ADGRG4: variants seen among roughly 807,000 people sequenced by gnomAD.
ADGRG4 encodes the protein G protein-coupled receptor 112.
ADGRG4 carries 122 observed loss-of-function variants against 126.2 expected under a neutral mutation model. That is an observed-to-expected ratio of 0.97 (90% CI 0.83 to 1.12). The LOEUF (loss-of-function observed/expected upper bound fraction) is 1.12. Ranked by LOEUF, ADGRG4 falls within the 50% of genes most tolerant of loss-of-function variation. ADGRG4 has a pLI of 0.00. For synonymous variants in ADGRG4, 943 were observed against 838.7 expected, an observed-to-expected ratio of 1.12 and a Z score of -2.15; for missense variants, 2,481 against 2,251.8, an observed-to-expected ratio of 1.10 and a Z score of -2.06.
intron 15 of ADGRG4, among the ~76,000 whole-genome samples, chrX:136,385,484 A>C (rs1000502335): frequency 4.5e-5 from 5 of 111,999 alleles, no homozygotes; most frequent in Non-Finnish European, 9.4e-5. Flanking sequence ...CTTTTTAACC[A>C]TTATTTCCTC....
At chrX:136,360,153 T>A (rs771303783) in intron 11 of ADGRG4, among the ~76,000 whole-genome samples, 1 of 111,085 alleles carries the variant, frequency 9.0e-6, no homozygotes, top group East Asian at 2.9e-4. Context: ...GAGCCCAACA[T>A]GTAAATGACA....
intron 4 of ADGRG4, among the ~76,000 whole-genome samples, chrX:136,311,394 T>TACACACACACAC (rs72201867): frequency 4.6e-4 from 44 of 95,637 alleles, no homozygotes; most frequent in African/African-American, 1.7e-3. Context: ...TCATACCATG[T>TACACACACACAC]ACACACACAC....
At chrX:136,328,628 G>A (rs1380875380) in intron 5 of ADGRG4, among the ~76,000 whole-genome samples, 1 of 112,016 alleles carries the variant, frequency 8.9e-6, no homozygotes. Flanking sequence ...GCTGAGGTTC[G>A]TTAATTGGTC....
chrX:136,367,547 A>G (rs1013088427), intron 13 of ADGRG4, among the ~76,000 whole-genome samples: 3 of 112,139 alleles, frequency 2.7e-5, no homozygotes, highest in African/African-American at 9.7e-5. Flanking sequence ...TTTTTAGAAA[A>G]TTGACTGAGA....
chrX:136,353,703 C>T (rs776233767), intron 8 of ADGRG4, among the ~76,000 whole-genome samples: 4 of 112,205 alleles, frequency 3.6e-5, no homozygotes, highest in Non-Finnish European at 7.5e-5. Context: ...GTGATTTATA[C>T]AAAAATCATG....
At chrX:136,389,871 T>A (rs1056612568) in intron 16 of ADGRG4, among the ~76,000 whole-genome samples, 8 of 112,183 alleles carry the variant, frequency 7.1e-5, no homozygotes, top group African/African-American at 2.6e-4. Context: ...GGGGTGACCC[T>A]AGGCTGGGAT....
In ADGRG4 at chrX:136,350,266, C is replaced by T. The variant is rs761904414; in HGVS notation, c.6560C>T (p.Thr2187Ile). 5 of 1,210,016 alleles carry T rather than the reference C, an allele frequency of 4.1e-6. No homozygotes were observed. Among genetic ancestry groups the T allele is most frequent in the Non-Finnish European group, 5.6e-6 (5 of 893,803 alleles). ...CTAAATATAATGACTACTACATCCA[C>T]TGTTCCTGGAGCCTCATTTCCACTC... Reference protein sequence around the residue: ...SLLNIMTTTSTVPGASFPLIS... With the variant: ...SLLNIMTTTSIVPGASFPLIS... Residue 2187 changes from threonine to isoleucine, a missense_variant, in exon 6 of 26, where the codon ACT (threonine) becomes ATT (isoleucine). Physicochemically the swap from Thr to Ile is moderately conservative, Grantham distance 89. Coordinates refer to ENST00000394143, the MANE Select transcript of ADGRG4 (RefSeq NM_153834.4).
chrX:136,324,878 C>T (rs2074862739), intron 5 of ADGRG4, among the ~76,000 whole-genome samples: 1 of 111,815 alleles, frequency 8.9e-6, no homozygotes, highest in African/African-American at 3.2e-5. Flanking sequence ...ATTTATAAAC[C>T]AATTCATTTT....
At chrX:136,320,671 T>C (rs2074834258) in intron 4 of ADGRG4, among the ~76,000 whole-genome samples, 1 of 111,877 alleles carries the variant, frequency 8.9e-6, no homozygotes, top group Non-Finnish European at 1.9e-5. Context: ...CCCAGCACTT[T>C]GGGAGACTGA....
chrX:136,310,295 C>T (rs2074760339), intron 4 of ADGRG4, among the ~76,000 whole-genome samples: 1 of 110,196 alleles, frequency 9.1e-6, no homozygotes, highest in African/African-American at 3.3e-5. Flanking sequence ...TTACAGGCGT[C>T]TGCCACCATG....
chrX:136,390,797 C>T (rs2075315629), intron 16 of ADGRG4, among the ~76,000 whole-genome samples: 1 of 110,732 alleles, frequency 9.0e-6, no homozygotes, highest in South Asian at 3.9e-4. Flanking sequence ...TGTGTGTCTC[C>T]TCCTTTGGCC....
At chrX:136,342,325 A>G (rs767778691) in intron 5 of ADGRG4, among the ~76,000 whole-genome samples, 1 of 111,973 alleles carries the variant, frequency 8.9e-6, no homozygotes, top group Non-Finnish European at 1.9e-5. Flanking sequence ...TTATTCTATT[A>G]GCTTACAAAT....
At chrX:136,339,284 G>C (rs1048977776) in intron 5 of ADGRG4, among the ~76,000 whole-genome samples, 2 of 111,535 alleles carry the variant, frequency 1.8e-5, no homozygotes, top group African/African-American at 6.5e-5. Flanking sequence ...GCTATTACTG[G>C]CTCCCTTTTT....
rs182348238 is a variant in ADGRG4 at position 136,392,684 on chromosome X, A to G, written c.8034+330A>G. Among the ~76,000 whole-genome samples, 5 of 112,342 alleles carry G rather than the reference A, an allele frequency of 4.5e-5. No homozygotes were observed. The East Asian group carries it at 1.1e-3, about 25-fold the overall frequency. On this transcript the variant is annotated intron_variant, in intron 17 of 25. Transcript: ENST00000394143. ...TCACTCAAAATAATTGAATATTTGT[A>G]TTACTTGAATTTCCAGAAATAACAT...
At position 136,345,100 on chromosome X, in the gene ADGRG4, C is replaced by T; in HGVS notation, c.1394C>T (p.Ser465Leu). ...GCATCTACTCATGTTGGGACTGCATCATCATTCCCACCTGAGCCTGTGCTC... is the reference window on the plus strand; with the variant it reads ...GCATCTACTCATGTTGGGACTGCATTATCATTCCCACCTGAGCCTGTGCTC... ...SPASTHVGTA[S>L]SFPPEPVLIS... The change falls in exon 6 of 26, where the codon TCA (serine) becomes TTA (leucine). Residue 465 changes from serine to leucine, a missense_variant. Ser to Leu is a moderately radical substitution (Grantham distance 145). Transcript: ENST00000394143. The T allele has an allele frequency of 8.3e-7, 1 of 1,207,991 alleles. No homozygotes were observed. The highest frequency in any genetic ancestry group is 3.0e-5 in the East Asian group (1 of 33,753).
At chrX:136,361,698 T>C in intron 12 of ADGRG4, 111 bp downstream of exon 12, 1 of 487,244 alleles carries the variant, frequency 2.1e-6, no homozygotes, top group Non-Finnish European at 3.1e-6. Context: ...CCACCTCTAG[T>C]GCCAGTCTTT....
chrX:136,306,714 C>CT (rs57109734), intron 3 of ADGRG4, among the ~76,000 whole-genome samples: 1,119 of 97,787 alleles, frequency 0.011, 10 homozygotes, highest in Middle Eastern at 0.016. Context: ...TACCTTATTC[C>CT]TTTTTTTTTT....
Position 136,349,684 on chromosome X carries a change from C to T in ADGRG4, c.5978C>T (p.Ser1993Phe). 1 of 1,210,977 alleles carries T rather than the reference C, an allele frequency of 8.3e-7. No homozygotes were observed. Among genetic ancestry groups the T allele is most frequent in the African/African-American group, 1.7e-5 (1 of 57,694 alleles). The change falls in exon 6 of 26, where the codon TCT (serine) becomes TTT (phenylalanine). Residue 1993 changes from serine (S) to phenylalanine (F), a missense_variant. Physicochemically the swap from Ser to Phe is radical, Grantham distance 155. Transcript: ENST00000394143. ...TPGTTLPSIL[S>F]GATSGSVISK... ...GGGACCACACTCCCATCAATTCTTT[C>T]TGGTGCCACTTCAGGATCTGTAATT... is the stretch of plus-strand genomic sequence containing the variant.
rs2075465235 is a variant in ADGRG4, at chrX:136,414,333, A to G, written c.9205+6A>G. 2 of 1,172,054 alleles carry G rather than the reference A, an allele frequency of 1.7e-6. No homozygotes were observed. Among genetic ancestry groups the G allele is most frequent in the South Asian group, 3.8e-5 (2 of 51,982 alleles). The stretch of plus-strand genomic sequence containing the variant: ...AGAAATAAGCTTTCCAAATGGTAAG[A>G]AAAAAAGGCTGTGTTGTCTACATTT... On this transcript the variant is annotated splice_donor_region_variant and intron_variant, in intron 25 of 25. Coordinates refer to ENST00000394143, the MANE Select transcript of ADGRG4 (RefSeq NM_153834.4).
Sources: gnomAD v4.1 joint callset for allele counts (sites outside exome capture counted in the v4.1 genomes callset) on GRCh38, gnomAD v4.1.1 for gene constraint, MANE v1.5 for transcripts, NCBI Gene and HGNC (gene_info 2026-07-23, HGNC 2026-07-21) for gene names.